MCF2: variants seen among roughly 807,000 people sequenced by gnomAD.
MCF2 encodes the protein proto-oncogene DBL.
Under a neutral mutation model 82.5 loss-of-function variants are expected in MCF2, and 44 were observed. The observed-to-expected ratio is 0.53, with a 90% confidence interval of 0.42 to 0.69. The LOEUF is 0.69. MCF2 is among the 30% of genes least tolerant of loss of function. The pLI, the probability that MCF2 is intolerant of heterozygous loss-of-function variation, is 0.00. For missense variants in MCF2, 623 were observed against 663.1 expected (o/e 0.94, Z 0.66); for synonymous variants, 217 against 224.9 (o/e 0.96, Z 0.32).
exon 3 of MCF2, chrX:139,631,492 A>G: frequency 8.4e-7 from 1 of 1,196,180 alleles, no homozygotes; most frequent in Non-Finnish European, 1.1e-6. Flanking sequence ...CAAATCACTA[A>G]CTGAGCTCAG....
chrX:139,631,670 C>T (rs1274697028), intron 2 of MCF2, among the ~76,000 whole-genome samples, 159 bp from the exon 6 acceptor site: 1 of 111,585 alleles, frequency 9.0e-6, no homozygotes, highest in African/African-American at 3.3e-5. Flanking sequence ...GTATGCGCTA[C>T]CTTCTTCAGA....
chrX:139,613,319 A>C, intron 10 of MCF2, 56 bp from the exon 14 acceptor site: 1 of 925,477 alleles, frequency 1.1e-6, no homozygotes, highest in Non-Finnish European at 1.5e-6. Flanking sequence ...AAATGAAACA[A>C]TACAAAACAA....
exon 20 of MCF2, chrX:139,589,866 T>C (rs1266092133): frequency 1.7e-6 from 2 of 1,200,533 alleles, no homozygotes; most frequent in Non-Finnish European, 1.1e-6. Context: ...CTTTTCACCA[T>C]ACCAGATTTC....
intron 1 of MCF2, among the ~76,000 whole-genome samples, chrX:139,686,356 T>C (rs1302495286): frequency 3.6e-5 from 4 of 111,405 alleles, no homozygotes; most frequent in Non-Finnish European, 7.5e-5. Flanking sequence ...CATGATTCTA[T>C]ATTAAAAATA....
chrX:139,620,173 T>G (rs1454834827), intron 6 of MCF2, among the ~76,000 whole-genome samples: 1 of 110,040 alleles, frequency 9.1e-6, no homozygotes, highest in African/African-American at 3.3e-5. Context: ...CACCCAGACC[T>G]TGGTCTTTAA....
At chrX:139,680,892 A>G (rs1934982620) in intron 1 of MCF2, among the ~76,000 whole-genome samples, 1 of 112,653 alleles carries the variant, frequency 8.9e-6, no homozygotes, top group Admixed American at 9.4e-5. Flanking sequence ...AGAAGAACAC[A>G]CAATATCTGT....
chrX:139,683,762 A>G (rs1307208781), intron 1 of MCF2, among the ~76,000 whole-genome samples: 3 of 111,857 alleles, frequency 2.7e-5, no homozygotes, highest in Non-Finnish European at 5.6e-5. Context: ...ATGTTGGGAA[A>G]CCTGGAGGTG....
chrX:139,661,074 G>T (rs1001575425), intron 1 of MCF2, among the ~76,000 whole-genome samples: 1 of 111,801 alleles, frequency 8.9e-6, no homozygotes, highest in Admixed American at 9.5e-5. Context: ...GAAAAGGGAA[G>T]GTTTAATAGA....
intron 4 of MCF2, among the ~76,000 whole-genome samples, 193 bp from the exon 8 acceptor site, chrX:139,626,949 C>T (rs1932774186): frequency 8.9e-6 from 1 of 111,869 alleles, no homozygotes; most frequent in East Asian, 2.8e-4. Flanking sequence ...CTGTGAAGAT[C>T]CAAGAAGCCC....
chrX:139,585,117 G>A (rs752732430), exon 24 of MCF2: 9 of 1,207,054 alleles, frequency 7.5e-6, no homozygotes, highest in Non-Finnish European at 9.0e-6. Context: ...GGTAGAAATA[G>A]TTGCTTGACC....
At chrX:139,704,225 T>C (rs1812904242) in intron 1 of MCF2, among the ~76,000 whole-genome samples, 1 of 111,999 alleles carries the variant, frequency 8.9e-6, no homozygotes, top group African/African-American at 3.2e-5. Context: ...CTATTCAACA[T>C]AGTACTGGAA....
chrX:139,585,801 C>T (rs970894822), intron 23 of MCF2, among the ~76,000 whole-genome samples: 1 of 112,091 alleles, frequency 8.9e-6, no homozygotes, highest in African/African-American at 3.2e-5. Context: ...ATGCCTAGCA[C>T]TTTGCATAAC....
At chrX:139,641,049 A>G (rs1349854637) in intron 1 of MCF2, among the ~76,000 whole-genome samples, 2 of 109,602 alleles carry the variant, frequency 1.8e-5, no homozygotes, top group African/African-American at 6.6e-5. Context: ...TACCTTTGTA[A>G]CTTATGTTGT....
At chrX:139,588,514 T>C (rs765497647) in intron 20 of MCF2, 76 bp from the exon 25 acceptor site, 1 of 589,928 alleles carries the variant, frequency 1.7e-6, no homozygotes, top group African/African-American at 2.3e-5. Flanking sequence ...ATAAAACAAA[T>C]GTAATTGTGT....
At chrX:139,591,784 G>A (rs768889306) in intron 19 of MCF2, among the ~76,000 whole-genome samples, 1 of 109,390 alleles carries the variant, frequency 9.1e-6, no homozygotes, top group Non-Finnish European at 1.9e-5. Flanking sequence ...CTAACTCTTG[G>A]GGACAATGCT....
At chrX:139,599,569 G>C (rs1483562995) in intron 16 of MCF2, among the ~76,000 whole-genome samples, 3 of 110,730 alleles carry the variant, frequency 2.7e-5, no homozygotes, top group Non-Finnish European at 5.7e-5. Context: ...AGGGATTATA[G>C]ACACCAAGTA....
At chrX:139,616,930 A>T in intron 8 of MCF2, among the ~76,000 whole-genome samples, 1 of 111,893 alleles carries the variant, frequency 8.9e-6, no homozygotes, top group Non-Finnish European at 1.9e-5. Flanking sequence ...AGATGTAAAG[A>T]TTAAAATGTT....
intron 1 of MCF2, among the ~76,000 whole-genome samples, chrX:139,699,633 C>G (rs866852100): frequency 1.8e-5 from 2 of 112,288 alleles, no homozygotes; most frequent in Non-Finnish European, 3.8e-5. Context: ...GATTCTTTCA[C>G]TTAGCATGTT....
intron 1 of MCF2, among the ~76,000 whole-genome samples, chrX:139,660,164 A>G (rs1417548974): frequency 8.9e-6 from 1 of 111,873 alleles, no homozygotes; most frequent in Non-Finnish European, 1.9e-5. Context: ...AGCTTTTACC[A>G]TGTCATCTAT....
Sources: gnomAD v4.1 joint callset for allele counts (sites outside exome capture counted in the v4.1 genomes callset) on GRCh38, gnomAD v4.1.1 for gene constraint, MANE v1.5 for transcripts, NCBI Gene and HGNC (gene_info 2026-07-23, HGNC 2026-07-21) for gene names.